RGS17: variants seen among roughly 807,000 people sequenced by gnomAD.
RGS17 encodes regulator of G protein signaling 17, also known as regulator of G-protein signaling 17.
A neutral mutation model predicts 25.5 loss-of-function variants in RGS17; 12 were observed. The observed-to-expected ratio is 0.47, with a 90% CI of 0.30 to 0.76. The LOEUF (loss-of-function observed/expected upper bound fraction) is 0.76. Ranked by LOEUF, RGS17 falls within the 30% of genes least tolerant of loss-of-function variation. RGS17 has a pLI of 0.07. For synonymous variants in RGS17, 71 were observed against 76.9 expected (o/e 0.92, Z 0.40); for missense variants, 196 against 242.2 (o/e 0.81, Z 1.27).
chr6:153,106,452 G>C (rs964830619), intron 1 of RGS17, among the ~76,000 whole-genome samples: 2 of 151,398 alleles, frequency 1.3e-5, no homozygotes, highest in African/African-American at 4.9e-5. Context: ...GCAAGCAGGA[G>C]AGGGTAGAAG....
intron 1 of RGS17, among the ~76,000 whole-genome samples, chr6:153,094,164 C>T (rs1347106650): frequency 6.6e-6 from 1 of 151,928 alleles, no homozygotes; most frequent in African/African-American, 2.4e-5. Flanking sequence ...CAATCTCTGC[C>T]TCCCGGGTTC....
intron 1 of RGS17, among the ~76,000 whole-genome samples, chr6:153,072,739 A>C (rs1265628312): frequency 6.6e-6 from 1 of 152,222 alleles, no homozygotes; most frequent in Non-Finnish European, 1.5e-5. Flanking sequence ...TCCATGATGC[A>C]TGAATTGTCA....
At chr6:153,093,200 T>C (rs1279143868) in intron 1 of RGS17, among the ~76,000 whole-genome samples, 1 of 152,258 alleles carries the variant, frequency 6.6e-6, no homozygotes, top group Non-Finnish European at 1.5e-5. Flanking sequence ...TTAATAGCTA[T>C]TTAATGGCTA....
chr6:153,103,306 C>A (rs917281482), intron 1 of RGS17, among the ~76,000 whole-genome samples: 5 of 152,060 alleles, frequency 3.3e-5, no homozygotes, highest in Admixed American at 6.6e-5. Context: ...ACTTTTTATT[C>A]CCTTTGTGTT....
intron 1 of RGS17, among the ~76,000 whole-genome samples, chr6:153,069,566 G>A (rs571731223): frequency 2.0e-5 from 3 of 152,232 alleles, no homozygotes; most frequent in African/African-American, 4.8e-5. Context: ...CAGTGTGACT[G>A]TAGTTAATAA....
chr6:153,086,253 A>G (rs1426831854), intron 1 of RGS17, among the ~76,000 whole-genome samples: 1 of 152,234 alleles, frequency 6.6e-6, no homozygotes, highest in African/African-American at 2.4e-5. Context: ...AACTAATGAT[A>G]AATTTTGATG....
intron 1 of RGS17, among the ~76,000 whole-genome samples, chr6:153,101,824 G>A (rs528880187): frequency 3.3e-5 from 5 of 151,944 alleles, no homozygotes; most frequent in African/African-American, 9.7e-5. Flanking sequence ...ACCAAAAGAA[G>A]ACATGCCTTG....
At position 153,010,791 on chromosome 6, in the gene RGS17, T is replaced by C. The variant is rs1779123197; in HGVS notation, c.*783A>G. 6.6e-6 allele frequency: 1 copy of C among 152,010 alleles called. No individual in the cohort carries two copies. The highest frequency in any genetic ancestry group is 2.4e-5 in the African/African-American group (1 of 41,438). The allele number at this position is 152,010 out of a possible 1,614,324, so 9.4% of individuals were successfully genotyped here. A position where few individuals can be genotyped will look rare whatever the true frequency, so the allele number is the denominator to read the frequency against. ...CATCTGATATATACATAAATTCATT[T>C]TCTTCTATTACAGTTAAAAGCAATA... On this transcript the variant is annotated 3_prime_UTR_variant, in exon 5 of 5. Transcript: ENST00000206262.
chr6:153,059,971 T>C (rs776251274), intron 1 of RGS17, among the ~76,000 whole-genome samples: 6 of 152,274 alleles, frequency 3.9e-5, no homozygotes, highest in Middle Eastern at 3.4e-3. Flanking sequence ...ACTTGAGGCT[T>C]CCTGTGTCTC....
intron 3 of RGS17, 46 bp from the exon 4 acceptor site, chr6:153,024,542 A>G (rs1259668859): frequency 7.5e-7 from 1 of 1,333,746 alleles, no homozygotes; most frequent in Non-Finnish European, 1.1e-6. Context: ...CTTTGTGACC[A>G]GTGAATGCTA....
At chr6:153,014,082 C>A (rs1340382805) in intron 4 of RGS17, among the ~76,000 whole-genome samples, 1 of 152,182 alleles carries the variant, frequency 6.6e-6, no homozygotes, top group Non-Finnish European at 1.5e-5. Flanking sequence ...AGAGAGAAGT[C>A]AATGCCTGAT....
At chr6:153,020,686 T>C (rs1358316645) in intron 4 of RGS17, among the ~76,000 whole-genome samples, 1 of 152,182 alleles carries the variant, frequency 6.6e-6, no homozygotes, top group African/African-American at 2.4e-5. Context: ...AAAAATGGCC[T>C]TCTGTTTAAC....
At chr6:153,046,203 A>G (rs2129111018) in intron 1 of RGS17, among the ~76,000 whole-genome samples, 1 of 140,856 alleles carries the variant, frequency 7.1e-6, no homozygotes, top group East Asian at 2.3e-4. Flanking sequence ...GGTAGGAGTA[A>G]GGGAGGGATA....
At chr6:153,102,833 G>A (rs774258274) in intron 1 of RGS17, among the ~76,000 whole-genome samples, 2 of 152,142 alleles carry the variant, frequency 1.3e-5, no homozygotes, top group Non-Finnish European at 2.9e-5. Context: ...GGCATTCCAT[G>A]TTCATTGTGT....
intron 1 of RGS17, among the ~76,000 whole-genome samples, chr6:153,123,038 A>G (rs901467894): frequency 4.6e-5 from 7 of 151,696 alleles, no homozygotes; most frequent in African/African-American, 1.7e-4. Flanking sequence ...TCCAATGTAC[A>G]CTGGAGTAAA....
Position 153,086,148 on chromosome 6 carries a change from G to C in RGS17, c.-25-42105C>G, listed in dbSNP as rs567376711. 5.3e-4 allele frequency among the ~76,000 whole-genome samples: 81 copies of C among 151,938 alleles called. 1 individual carries two copies. The highest frequency in any genetic ancestry group is 1.9e-3 in the African/African-American group (77 of 41,436). On this transcript the variant is annotated intron_variant, in intron 1 of 4. Coordinates refer to ENST00000206262, the MANE Select transcript of RGS17 (RefSeq NM_012419.5). ...CATGAATCATGATCATCTGATTCTT[G>C]TATTTTTCTAAACAGAAAAAATGAA...
At chr6:153,048,935 G>A (rs554203489) in intron 1 of RGS17, among the ~76,000 whole-genome samples, 1 of 152,200 alleles carries the variant, frequency 6.6e-6, no homozygotes, top group African/African-American at 2.4e-5. Flanking sequence ...GTTCATTGTT[G>A]TAACAATGCT....
intron 4 of RGS17, among the ~76,000 whole-genome samples, chr6:153,023,228 T>C (rs998680957): frequency 6.6e-6 from 1 of 152,182 alleles, no homozygotes; most frequent in African/African-American, 2.4e-5. Context: ...CCTGGGACCA[T>C]GCCAGGTATT....
At position 153,100,241 on chromosome 6, in the gene RGS17, G is replaced by A. The variant is rs772224174; in HGVS notation, c.-26+30883C>T. ...TTTATTTATGTGCACATACTGCCAC[G>A]TTTTTCTTGTCTACATCATATATTT... On this transcript the variant is annotated intron_variant, in intron 1 of 4. Transcript: ENST00000206262. 2.8e-4 allele frequency among the ~76,000 whole-genome samples: 43 copies of A among 152,148 alleles called. 1 individual carries two copies. The highest frequency in any genetic ancestry group is 1.7e-3 in the South Asian group (8 of 4,810).
Sources: gnomAD v4.1 joint callset for allele counts (sites outside exome capture counted in the v4.1 genomes callset) on GRCh38, gnomAD v4.1.1 for gene constraint, MANE v1.5 for transcripts, NCBI Gene and HGNC (gene_info 2026-07-23, HGNC 2026-07-21) for gene names.